Variants in KTN1 observed in about 807,000 individuals in gnomAD.
The protein encoded by KTN1 is kinectin.
In KTN1, 130 loss-of-function variants were observed where a neutral mutation model predicts 222.5. That is an observed-to-expected ratio of 0.58 (90% CI 0.51 to 0.68). The LOEUF (loss-of-function observed/expected upper bound fraction) is 0.68. Among genes scored for constraint, KTN1 ranks in the 30% least tolerant of loss-of-function variants. The pLI is 0.00. For synonymous variants in KTN1, 512 were observed against 496.3 expected, an observed-to-expected ratio of 1.03 and a Z score of -0.42; for missense variants, 1,508 against 1,500.4, an observed-to-expected ratio of 1.01 and a Z score of -0.08.
intron 42 of KTN1, 124 bp from the exon 43 acceptor site, chr14:55,679,441 C>T (rs532373403): frequency 7.5e-4 from 586 of 782,498 alleles, no homozygotes; most frequent in Non-Finnish European, 8.2e-4. Flanking sequence ...TGTTGATTTT[C>T]ATGTCATTGT....
chr14:55,615,658 A>G (rs1414709918), intron 2 of KTN1, among the ~76,000 whole-genome samples: 2 of 151,992 alleles, frequency 1.3e-5, no homozygotes, highest in Admixed American at 6.5e-5. Context: ...GTGGAATGAA[A>G]GAGATAAAAA....
Position 55,678,413 on chromosome 14 carries a change from T to C in KTN1, c.3917T>C (p.Val1306Ala). Reference sequence around the variant, plus strand: ...GTAAAAGCTGCTGGAGACACTACTGTTATTGAAAATAGTGATGTTTCCCCA... The same window carrying C: ...GTAAAAGCTGCTGGAGACACTACTGCTATTGAAAATAGTGATGTTTCCCCA... ...KIVKAAGDTT[V>A]IENSDVSPET... Residue 1306 changes from valine (V) to alanine (A), a missense_variant, in exon 42 of 44, where the codon GTT (valine) becomes GCT (alanine). Physicochemically the swap from Val to Ala is moderately conservative, Grantham distance 64. Coordinates refer to ENST00000395314, the MANE Select transcript of KTN1 (RefSeq NM_001079521.2). The C allele has an allele frequency of 6.2e-7, 1 of 1,610,802 alleles. No individual in the cohort carries two copies. Among genetic ancestry groups the C allele is most frequent in the South Asian group, 1.1e-5 (1 of 91,030 alleles).
intron 24 of KTN1, 47 bp downstream of exon 24, chr14:55,650,684 T>C (rs1209501672): frequency 7.3e-7 from 1 of 1,379,034 alleles, no homozygotes; most frequent in Admixed American, 1.9e-5. Context: ...AGTTGTGTTA[T>C]TTATGAGCTA....
chr14:55,619,769 T>C (rs544288734), intron 5 of KTN1, among the ~76,000 whole-genome samples: 1 of 152,158 alleles, frequency 6.6e-6, no homozygotes, highest in Non-Finnish European at 1.5e-5. Context: ...ATGGGAATTA[T>C]GGGAGCTACA....
chr14:55,609,833 ACTGCCCAGCTTTTGTTGAATAGG>A (rs11271356), intron 1 of KTN1, among the ~76,000 whole-genome samples: 12,141 of 152,014 alleles, frequency 0.08, 528 homozygotes, highest in South Asian at 0.11. Flanking sequence ...TTCTCCCTCG[ACTGCCCAGCTTTTGTTGAATAGG>A]CTGTGTATTC....
At chr14:55,654,988 C>G (rs781220030) in intron 28 of KTN1, among the ~76,000 whole-genome samples, 2 of 150,964 alleles carry the variant, frequency 1.3e-5, no homozygotes, top group African/African-American at 2.4e-5. Context: ...CTTTTCTTTT[C>G]TTTTTTTTTG....
At chr14:55,610,768 A>G (rs965485911) in intron 1 of KTN1, among the ~76,000 whole-genome samples, 1 of 152,240 alleles carries the variant, frequency 6.6e-6, no homozygotes, top group African/African-American at 2.4e-5. Flanking sequence ...AGGAGCATCA[A>G]TATCTAGAAT....
intron 2 of KTN1, among the ~76,000 whole-genome samples, chr14:55,614,645 C>T (rs35790844): frequency 0.29 from 43,963 of 152,078 alleles, 6,416 homozygotes; most frequent in East Asian, 0.37. Flanking sequence ...AATCTCAGTA[C>T]TCATAAAGTG....
intron 27 of KTN1, 143 bp from the exon 28 acceptor site, chr14:55,653,416 G>T: frequency 1.6e-6 from 1 of 624,630 alleles, no homozygotes; most frequent in South Asian, 2.4e-5. Context: ...TTCTGTCCTT[G>T]CTTTATAAAT....
At chr14:55,599,642 A>AT (rs1292931117) in intron 1 of KTN1, among the ~76,000 whole-genome samples, 3 of 151,908 alleles carry the variant, frequency 2.0e-5, no homozygotes, top group African/African-American at 7.3e-5. Context: ...CGCTCGGCTA[A>AT]TTTTTTGTAG....
chr14:55,621,967 G>A (rs969119142), intron 5 of KTN1, among the ~76,000 whole-genome samples: 1 of 150,566 alleles, frequency 6.6e-6, no homozygotes, highest in Non-Finnish European at 1.5e-5. Context: ...TGCTGCCTCA[G>A]CTTCCAGAGT....
At chr14:55,583,930 T>C (rs1201419887) in intron 1 of KTN1, among the ~76,000 whole-genome samples, 3 of 152,208 alleles carry the variant, frequency 2.0e-5, no homozygotes, top group Admixed American at 1.3e-4. Context: ...CTCTGTCTTA[T>C]CTTGAAAATA....
chr14:55,636,248 G>A (rs1050168788), intron 9 of KTN1, among the ~76,000 whole-genome samples: 9 of 152,192 alleles, frequency 5.9e-5, no homozygotes, highest in African/African-American at 1.9e-4. Context: ...TAATGTTGGA[G>A]GATAGGATGG....
At chr14:55,608,180 C>T (rs2037021329) in intron 1 of KTN1, among the ~76,000 whole-genome samples, 3 of 152,040 alleles carry the variant, frequency 2.0e-5, no homozygotes, top group African/African-American at 2.4e-5. Flanking sequence ...CTTTGTTCTT[C>T]CCTGAATTTT....
rs761988797 is a variant in KTN1 at position 55,648,917 on chromosome 14, T to C, written c.2367+47T>C. 8.6e-6 allele frequency: 11 copies of C among 1,280,224 alleles called. No individual in the cohort carries two copies. The Admixed American group carries it at 1.9e-4, about 22-fold the overall frequency. 79.3% of individuals were successfully genotyped at this position (1,280,224 alleles called of 1,614,324 possible). A position where few individuals can be genotyped will look rare whatever the true frequency, so the allele number is the denominator to read the frequency against. On this transcript the variant is annotated intron_variant, in intron 21 of 43. Transcript: ENST00000395314. ...GTTCTTTGTCTCTGTGTTTTTTGTTTGTTTGTTTGTTGTTTTTAAATTAAA... is the reference window on the plus strand; with the variant it reads ...GTTCTTTGTCTCTGTGTTTTTTGTTCGTTTGTTTGTTGTTTTTAAATTAAA...
At chr14:55,660,161 A>G (rs536652023) in intron 31 of KTN1, among the ~76,000 whole-genome samples, 50 of 152,176 alleles carry the variant, frequency 3.3e-4, no homozygotes, top group Non-Finnish European at 6.2e-4. Flanking sequence ...CGGGAGGATC[A>G]CTGAGCTCAG....
rs1595289010 is a variant in KTN1 at position 55,673,529 on chromosome 14, A to G, written c.3771+274A>G. On this transcript the variant is annotated intron_variant, in intron 40 of 43. Transcript: ENST00000395314. ...CATGTTTTATAAATCCTATTTTCTCAAACAGCAGTCTTTTCTGTGAATAAA... is the reference window on the plus strand; with the variant it reads ...CATGTTTTATAAATCCTATTTTCTCGAACAGCAGTCTTTTCTGTGAATAAA... 3 of 253,644 alleles carry G rather than the reference A, an allele frequency of 1.2e-5. No individual in the cohort carries two copies. The East Asian group carries it at 2.3e-4, about 19-fold the overall frequency. 15.7% of individuals were successfully genotyped at this position (253,644 alleles called of 1,614,324 possible). A position where few individuals can be genotyped will look rare whatever the true frequency, so the allele number is the denominator to read the frequency against.
intron 5 of KTN1, among the ~76,000 whole-genome samples, chr14:55,623,831 A>G (rs1358519448): frequency 1.3e-5 from 2 of 152,232 alleles, no homozygotes; most frequent in Admixed American, 6.5e-5. Context: ...TTTAGAGTTA[A>G]TGCTTTTTAA....
At chr14:55,656,766 A>G (rs2043527786) in intron 29 of KTN1, among the ~76,000 whole-genome samples, 1 of 152,186 alleles carries the variant, frequency 6.6e-6, no homozygotes, top group Non-Finnish European at 1.5e-5. Context: ...CGCAGCCAGC[A>G]TATATCATTT....
Sources: gnomAD v4.1 joint callset for allele counts (sites outside exome capture counted in the v4.1 genomes callset) on GRCh38, gnomAD v4.1.1 for gene constraint, MANE v1.5 for transcripts, NCBI Gene and HGNC (gene_info 2026-07-23, HGNC 2026-07-21) for gene names.